Variants in DNTTIP2 observed in about 807,000 individuals in gnomAD.
The protein encoded by DNTTIP2 is deoxynucleotidyltransferase terminal-interacting protein 2.
Under a neutral mutation model 62.4 loss-of-function variants are expected in DNTTIP2, and 47 were observed. The ratio of observed to expected loss-of-function variants is 0.75; its 90% confidence interval spans 0.60 to 0.96. The LOEUF is 0.96. DNTTIP2 is among the 40% of genes least tolerant of loss of function. The probability of loss-of-function intolerance (pLI) is 0.00; values close to 1 mark genes in which losing one functional copy is unlikely to be tolerated. For missense variants in DNTTIP2, 870 were observed against 849.1 expected (o/e 1.02, Z -0.31); for synonymous variants, 322 against 300.9 (o/e 1.07, Z -0.73).
In DNTTIP2 at chr1:93,876,551, T is replaced by C. The variant is rs748446929; in HGVS notation, c.1384A>G (p.Thr462Ala). Residue 462 changes from threonine (T) to alanine (A), a missense_variant, in exon 2 of 7, where the codon ACT (threonine) becomes GCT (alanine). Coordinates refer to ENST00000436063, the MANE Select transcript of DNTTIP2 (RefSeq NM_014597.5). ...QSENSENEED[T>A]LCFVENSGQR... ...CCACTATTTTCAACAAAACATAAAG[T>C]ATCCTCTTCATTCTCACTGTTTTCA... 1.2e-6 allele frequency: 2 copies of C among 1,614,036 alleles called. No homozygotes were observed. The highest frequency in any genetic ancestry group is 1.6e-4 in the Middle Eastern group (1 of 6,062).
intron 5 of DNTTIP2, 63 bp from the exon 6 acceptor site, chr1:93,870,855 TA>T: frequency 1.4e-6 from 1 of 732,220 alleles, no homozygotes; most frequent in East Asian, 2.9e-5. Flanking sequence ...TACTTCAGTG[TA>T]GCTCTAATTA....
intron 5 of DNTTIP2, 76 bp from the exon 6 acceptor site, chr1:93,870,868 A>G (rs992453688): frequency 9.0e-6 from 6 of 664,998 alleles, no homozygotes; most frequent in Admixed American, 3.4e-5. Flanking sequence ...CTCTAATTAT[A>G]TTTAGAGAAA....
chr1:93,877,359 G>A lies in DNTTIP2; in HGVS notation c.576C>T (p.Asp192=). The A allele has an allele frequency of 6.2e-7, 1 of 1,613,750 alleles. No individual in the cohort carries two copies. The highest frequency in any genetic ancestry group is 8.5e-7 in the Non-Finnish European group (1 of 1,179,892). Residue 192 remains aspartate (D), a synonymous_variant, in exon 2 of 7, where the codon GAC becomes GAT. Transcript: ENST00000436063. ...AISDAETSSS[D]ISFSGIATRR... is the part of the protein sequence containing the mutation. Reference sequence around the variant, plus strand: ...TAGTTGCAATTCCAGAGAATGAAATGTCTGAGCTTGATGTCTCAGCATCAG... The same window carrying A: ...TAGTTGCAATTCCAGAGAATGAAATATCTGAGCTTGATGTCTCAGCATCAG...
Position 93,877,714 on chromosome 1 carries a change from G to T in DNTTIP2, c.221C>A (p.Ser74Ter), listed in dbSNP as rs776635543. 3 of 1,613,812 alleles carry T rather than the reference G, an allele frequency of 1.9e-6. No homozygotes were observed. In the African/African-American group the frequency reaches 4.0e-5, roughly 22 times the overall value. Residue 74 changes from serine (S) to a stop codon, truncating the protein, a stop_gained, in exon 2 of 7, where the codon TCA becomes TAA. Transcript: ENST00000436063. LOFTEE classifies it high-confidence loss of function. Reference sequence around the variant, plus strand: ...AGATGGTTCAGTCCCCTTTGGTAGTGAGCCTGTAGTTCTGCTCTTCCTCTT... The same window carrying T: ...AGATGGTTCAGTCCCCTTTGGTAGTTAGCCTGTAGTTCTGCTCTTCCTCTT... ...ARKRKSRTTG[S>*]LPKGTEPSTD...
intron 3 of DNTTIP2, among the ~76,000 whole-genome samples, chr1:93,874,241 G>C (rs1308896624): frequency 1.3e-5 from 2 of 152,166 alleles, no homozygotes; most frequent in Admixed American, 6.5e-5. Context: ...GTGAGGATAA[G>C]GAAGAATGCT....
intron 1 of DNTTIP2, 26 bp from the exon 2 acceptor site, chr1:93,877,888 A>C (rs2100890275): frequency 1.3e-6 from 2 of 1,588,056 alleles, no homozygotes; most frequent in East Asian, 4.5e-5. Flanking sequence ...AACACACTGT[A>C]ATTTAGGTAG....
At position 93,877,069 on chromosome 1, in the gene DNTTIP2, A is replaced by C. The variant is rs1427900956; in HGVS notation, c.866T>G (p.Leu289Arg). 1.2e-6 allele frequency: 2 copies of C among 1,611,966 alleles called. No individual in the cohort carries two copies. The highest frequency in any genetic ancestry group is 4.5e-5 in the East Asian group (2 of 44,878). Residue 289 changes from leucine (L) to arginine (R), a missense_variant, in exon 2 of 7, where the codon CTT becomes CGT. Physicochemically the swap from Leu to Arg is moderately radical, Grantham distance 102. Coordinates refer to ENST00000436063, the MANE Select transcript of DNTTIP2 (RefSeq NM_014597.5). ...CTTACAATTCTGTTTTGTTTCTTTA[A>C]GAGATTCAACATTGGCCTGTTCGTG... is the stretch of plus-strand genomic sequence containing the variant. ...TVHEQANVES[L>R]KETKQNCKDL...
rs371158591 is a variant in DNTTIP2, at chr1:93,869,886, T to C, written c.2236A>G (p.Lys746Glu). 7 of 780,360 alleles carry C rather than the reference T, an allele frequency of 9.0e-6. No individual in the cohort carries two copies. Among genetic ancestry groups the C allele is most frequent in the African/African-American group, 8.5e-5 (5 of 59,140 alleles). The allele number at this position is 780,360 out of a possible 1,614,324, so 48.3% of individuals were successfully genotyped here. Residue 746 changes from lysine (K) to glutamate (E), a missense_variant, in exon 7 of 7, where the codon AAA becomes GAA. Coordinates refer to ENST00000436063, the MANE Select transcript of DNTTIP2 (RefSeq NM_014597.5). ...AATTTCTTCTTCTTTCGGAACTTTTTTCCTGCTGCATTTGCTGCTTTTTCA... is the reference window on the plus strand; with the variant it reads ...AATTTCTTCTTCTTTCGGAACTTTTCTCCTGCTGCATTTGCTGCTTTTTCA... ...MAEKAANAAG[K>E]KFRKKKKFRN is the part of the protein sequence containing the mutation.
rs1462358439 is a variant in DNTTIP2, at chr1:93,876,297, T to G, written c.1638A>C (p.Glu546Asp). 35 of 1,546,468 alleles carry G rather than the reference T, an allele frequency of 2.3e-5. No individual in the cohort carries two copies. The highest frequency in any genetic ancestry group is 1.2e-4 in the Admixed American group (6 of 49,892). The change falls in exon 2 of 7, where the codon GAA becomes GAC. Residue 546 changes from glutamate (E) to aspartate (D), a missense_variant. Coordinates refer to ENST00000436063, the MANE Select transcript of DNTTIP2 (RefSeq NM_014597.5). The stretch of plus-strand genomic sequence containing the variant: ...TAGCCTTTGTGCTATTTAGGAAGTC[T>G]TCTTCATCACTAAACTCATCTTCAT... ...DENEDEFSDE[E>D]DFLNSTKAKL...
chr1:93,877,408 T>G lies in DNTTIP2; in HGVS notation c.527A>C (p.Gln176Pro). The G allele has an allele frequency of 6.2e-7, 1 of 1,613,886 alleles. No individual in the cohort carries two copies. Among genetic ancestry groups the G allele is most frequent in the Non-Finnish European group, 8.5e-7 (1 of 1,179,890 alleles). The change falls in exon 2 of 7, where the codon CAA becomes CCA. Residue 176 changes from glutamine to proline, a missense_variant. Gln to Pro is a moderately conservative substitution (Grantham distance 76). Coordinates refer to ENST00000436063, the MANE Select transcript of DNTTIP2 (RefSeq NM_014597.5). ...AGATATAGCTTCTGTATGAGATTCT[T>G]GGCTTGGATCTGTCAGAGATTTAGC... ...SKAKSLTDPS[Q>P]ESHTEAISDA...
At chr1:93,878,842 C>G (rs1656081982) in intron 1 of DNTTIP2, 1 of 531,470 alleles carries the variant, frequency 1.9e-6, no homozygotes, top group African/African-American at 1.9e-5. Context: ...TTGAACGACC[C>G]AAATAAAGTT....
At chr1:93,874,853 T>A (rs547379666) in intron 3 of DNTTIP2, among the ~76,000 whole-genome samples, 5 of 152,070 alleles carry the variant, frequency 3.3e-5, no homozygotes, top group Non-Finnish European at 7.4e-5. Context: ...AAGAACAAGA[T>A]GAAAACAAGA....
chr1:93,873,068 A>G, intron 4 of DNTTIP2, 51 bp downstream of exon 4: 1 of 1,335,628 alleles, frequency 7.5e-7, no homozygotes, highest in South Asian at 1.2e-5. Context: ...TATAAGCTGA[A>G]AATATATAGC....
rs572167310 is a variant in DNTTIP2 at position 93,875,862 on chromosome 1, C to T, written c.1668-79G>A. On this transcript the variant is annotated intron_variant, in intron 2 of 6. Transcript: ENST00000436063. The stretch of plus-strand genomic sequence containing the variant: ...TATAAGATGGCATTTTAAAAAATCA[C>T]TTATTCTTCTCTTCCCTTGTATTGT... 334 of 1,411,344 alleles carry T rather than the reference C, an allele frequency of 2.4e-4. 2 individuals are homozygous for T. The South Asian group carries it at 3.4e-3, about 14-fold the overall frequency. The allele number at this position is 1,411,344 out of a possible 1,614,324, so 87.4% of individuals were successfully genotyped here.
chr1:93,871,291 G>A lies in DNTTIP2; in HGVS notation c.2068-499C>T, dbSNP rs574899833. ...GGGAAACAAAGAACATCTGGTTCCTGCAGTGCAGAGCCTGCAGTCTTAAGG... is the reference window on the plus strand; with the variant it reads ...GGGAAACAAAGAACATCTGGTTCCTACAGTGCAGAGCCTGCAGTCTTAAGG... On this transcript the variant is annotated intron_variant, in intron 5 of 6. Coordinates refer to ENST00000436063, the MANE Select transcript of DNTTIP2 (RefSeq NM_014597.5). 1.2e-4 allele frequency among the ~76,000 whole-genome samples: 18 copies of A among 152,322 alleles called. 2 individuals are homozygous for A. The highest frequency in any genetic ancestry group is 4.1e-4 in the African/African-American group (17 of 41,590).
chr1:93,876,607 A>T lies in DNTTIP2; in HGVS notation c.1328T>A (p.Leu443Gln). ...TSQGKDNSVL[L>Q]VLSSDESQQS... Reference sequence around the variant, plus strand: ...TTGGCTTTCATCACTGCTGAGAACTAGTAAGACAGAATTATCTTTACCCTG... The same window carrying T: ...TTGGCTTTCATCACTGCTGAGAACTTGTAAGACAGAATTATCTTTACCCTG... Residue 443 changes from leucine to glutamine, a missense_variant, in exon 2 of 7, where the codon CTA becomes CAA. Transcript: ENST00000436063. 1 of 1,614,038 alleles carries T rather than the reference A, an allele frequency of 6.2e-7. No homozygotes were observed. The highest frequency in any genetic ancestry group is 8.5e-7 in the Non-Finnish European group (1 of 1,179,892).
intron 1 of DNTTIP2, chr1:93,878,679 T>C (rs1415129178): frequency 6.0e-6 from 1 of 167,802 alleles, no homozygotes; most frequent in Non-Finnish European, 1.3e-5. Flanking sequence ...AAGGAGGTGA[T>C]GCTGGACAGC....
rs752115054 is a variant in DNTTIP2 at position 93,879,112 on chromosome 1, T to G, written c.37A>C (p.Ile13Leu). Residue 13 changes from isoleucine to leucine, a missense_variant, in exon 1 of 7, where the codon ATC (isoleucine) becomes CTC (leucine). Coordinates refer to ENST00000436063, the MANE Select transcript of DNTTIP2 (RefSeq NM_014597.5). ...GAACTTTCAGCCGACGCGGCTTGGA[T>G]GCTGGCCTTAGCCCGTGCAGATCTG... ...VTRSARAKAS[I>L]QAASAESSGQ... 6.2e-7 allele frequency: 1 copy of G among 1,613,800 alleles called. No homozygotes were observed. Among genetic ancestry groups the G allele is most frequent in the South Asian group, 1.1e-5 (1 of 91,092 alleles).
At chr1:93,872,856 G>A (rs1655905403) in intron 4 of DNTTIP2, among the ~76,000 whole-genome samples, 2 of 151,290 alleles carry the variant, frequency 1.3e-5, no homozygotes, top group South Asian at 4.2e-4. Flanking sequence ...TAGTCGAAAT[G>A]GCAGATAGAA....
Sources: allele counts gnomAD v4.1 joint callset (sites outside exome capture counted in the v4.1 genomes callset), GRCh38; gene constraint gnomAD v4.1.1; transcripts MANE v1.5; gene names NCBI Gene and HGNC (gene_info 2026-07-23, HGNC 2026-07-21).